The following PCP2 variants were observed in gnomAD, a reference collection of about 807,000 sequenced individuals.
PCP2 encodes the protein Purkinje cell protein 2 homolog.
PCP2 carries 21 observed loss-of-function variants against 18.3 expected under a neutral mutation model. That is an observed-to-expected ratio of 1.14 (90% CI 0.81 to 1.65). PCP2 has a LOEUF of 1.65. Ranked by LOEUF, PCP2 falls within the 40% of genes most tolerant of loss-of-function variation. The pLI, the probability that PCP2 is intolerant of heterozygous loss-of-function variation, is 0.00. For missense variants in PCP2, 202 were observed against 201.8 expected, an observed-to-expected ratio of 1.00 and a Z score of 0.00; for synonymous variants, 85 against 77.6, an observed-to-expected ratio of 1.10 and a Z score of -0.50.
chr19:7,636,019 T>G (rs911752896), upstream of PCP2, among the ~76,000 whole-genome samples: 4 of 152,184 alleles, frequency 2.6e-5, no homozygotes, highest in African/African-American at 9.7e-5. Context: ...AAAGGCTGCT[T>G]CTTCAGAGAG....
chr19:7,632,907 A>G lies in PCP2; in HGVS notation c.52-77T>C. ...CCCAAACTTCCTAGCCAGCTTGCTC[A>G]CACCCTGACCCCGGGGCCTGCCGTC... On this transcript the variant is annotated intron_variant, in intron 1 of 3. Transcript: ENST00000311069. This position sits in a 1 kb window ranked among gnomAD's most constrained non-coding sequence, Gnocchi z 5.2. The G allele has an allele frequency of 6.6e-7, 1 of 1,517,792 alleles. No homozygotes were observed. The highest frequency in any genetic ancestry group is 1.7e-4 in the Middle Eastern group (1 of 5,866). 94.0% of individuals were successfully genotyped at this position (1,517,792 alleles called of 1,614,324 possible).
upstream of PCP2, among the ~76,000 whole-genome samples, chr19:7,635,416 A>T (rs1382895184): frequency 2.0e-5 from 3 of 152,208 alleles, no homozygotes; most frequent in Non-Finnish European, 1.5e-5. Flanking sequence ...AGGAAGGGGC[A>T]GGGTGCGGTG....
chr19:7,635,893 C>CAGAA (rs1251516787), upstream of PCP2, among the ~76,000 whole-genome samples: 2 of 152,178 alleles, frequency 1.3e-5, no homozygotes, highest in Non-Finnish European at 2.9e-5. Flanking sequence ...CCTTGTCCTA[C>CAGAA]AGAAGTCTGG....
At position 7,632,773 on chromosome 19, in the gene PCP2, G is replaced by T; in HGVS notation, c.109C>A (p.Arg37=). 6.4e-7 allele frequency: 1 copy of T among 1,567,816 alleles called. No homozygotes were observed. The highest frequency in any genetic ancestry group is 2.4e-5 in the East Asian group (1 of 42,372). Residue 37 remains arginine (R), a synonymous_variant, in exon 2 of 4, where the codon CGG becomes AGG. Coordinates refer to ENST00000311069, the MANE Select transcript of PCP2 (RefSeq NM_174895.3). The surrounding 1 kb of genome is among the most constrained non-coding windows in gnomAD (Gnocchi z 5.2). ...FNLLSHVQGD[R]MEGQRCSLQA... ...AGTGAACAGCGCTGTCCCTCCATCC[G>T]GTCGCCCTGCACGTGGCTCAGCAGA...
chr19:7,632,059 C>A lies in PCP2; in HGVS notation c.292-251G>T. 1 of 522,824 alleles carries A rather than the reference C, an allele frequency of 1.9e-6. No homozygotes were observed. Among genetic ancestry groups the A allele is most frequent in the Non-Finnish European group, 3.3e-6 (1 of 299,514 alleles). 32.4% of individuals were successfully genotyped at this position (522,824 alleles called of 1,614,324 possible). On this transcript the variant is annotated intron_variant, in intron 3 of 3. Coordinates refer to ENST00000311069, the MANE Select transcript of PCP2 (RefSeq NM_174895.3). The surrounding 1 kb of genome is among the most constrained non-coding windows in gnomAD (Gnocchi z 5.2). ...TGTGAAGTCAACAGATGTGAGTATA[C>A]AGATGTATATATCCTATGTGTGAGC...
At position 7,631,716 on chromosome 19, in the gene PCP2, G is replaced by A; in HGVS notation, c.384C>T (p.Ser128=). The change falls in exon 4 of 4, where the codon AGC becomes AGT. Residue 128 remains serine (S), a synonymous_variant. Transcript: ENST00000311069. ...AGGGGGCTTGTGTCGGGGGCTGGGG[G>A]CTGCTGTTCCGACGGAAGCCGAGAG... The part of the protein sequence containing the change: ...PTALGFRRNS[S]PQPPTQAP 5.5e-6 allele frequency: 8 copies of A among 1,450,632 alleles called. No homozygotes were observed. The highest frequency in any genetic ancestry group is 7.3e-6 in the Non-Finnish European group (8 of 1,100,502). The allele number at this position is 1,450,632 out of a possible 1,614,324, so 89.9% of individuals were successfully genotyped here.
At chr19:7,633,087 G>C (rs901081646) in intron 1 of PCP2, 7 of 1,220,948 alleles carry the variant, frequency 5.7e-6, no homozygotes, top group Non-Finnish European at 7.7e-6. Context: ...GACAGGCTCC[G>C]ATGCGTGTCC....
At chr19:7,636,497 C>T (rs1242708012), upstream of PCP2, 1 of 151,750 alleles carries the variant, frequency 6.6e-6, no homozygotes, top group Admixed American at 6.6e-5. Context: ...GACAAATGCC[C>T]CCTGGGGACA....
chr19:7,635,681 G>A (rs1462621604), upstream of PCP2, among the ~76,000 whole-genome samples: 3 of 152,150 alleles, frequency 2.0e-5, no homozygotes, highest in African/African-American at 4.8e-5. Context: ...GAGCAACAGA[G>A]CGAGACCCGT....
Position 7,632,300 on chromosome 19 carries a change from G to T in PCP2, c.291+93C>A. 1 of 1,551,728 alleles carries T rather than the reference G, an allele frequency of 6.4e-7. No homozygotes were observed. Among genetic ancestry groups the T allele is most frequent in the Non-Finnish European group, 8.7e-7 (1 of 1,144,100 alleles). ...AGGGCAGCGGATGGACAGAGATGGG[G>T]CAGGCCCTGTTCCCTCCTGGCTGGG... On this transcript the variant is annotated intron_variant, in intron 3 of 3. Coordinates refer to ENST00000311069, the MANE Select transcript of PCP2 (RefSeq NM_174895.3). The surrounding 1 kb of genome is among the most constrained non-coding windows in gnomAD (Gnocchi z 5.2).
rs2031425634 is a variant in PCP2 at position 7,633,553 on chromosome 19, C to A, written c.-96G>T. 4.1e-6 allele frequency: 5 copies of A among 1,222,970 alleles called. No individual in the cohort carries two copies. The highest frequency in any genetic ancestry group is 2.0e-4 in the Middle Eastern group (1 of 4,954). 75.8% of individuals were successfully genotyped at this position (1,222,970 alleles called of 1,614,324 possible). On this transcript the variant is annotated 5_prime_UTR_variant, in exon 1 of 4. Transcript: ENST00000311069. Reference sequence around the variant, plus strand: ...TCCAGGACGTGGGGGTGTGGATTCCCCCCATCCCCAAATCCCCAGCTCATG... The same window carrying A: ...TCCAGGACGTGGGGGTGTGGATTCCACCCATCCCCAAATCCCCAGCTCATG...
At position 7,633,446 on chromosome 19, in the gene PCP2, C is replaced by A; in HGVS notation, c.12G>T (p.Gln4His). MMD[Q>H]EEKTEEGSGP... ...CTGAGCCTTCCTCCGTCTTCTCCTC[C>A]TGATCCATCATGTCCCTGGACTCCA... Residue 4 changes from glutamine (Q) to histidine (H), a missense_variant, in exon 1 of 4, where the codon CAG becomes CAT. Transcript: ENST00000311069. 6.3e-7 allele frequency: 1 copy of A among 1,577,420 alleles called. No individual in the cohort carries two copies. Among genetic ancestry groups the A allele is most frequent in the East Asian group, 2.3e-5 (1 of 43,540 alleles).
intron 1 of PCP2, 146 bp downstream of exon 1, chr19:7,633,261 G>A: frequency 1.1e-6 from 1 of 875,998 alleles, no homozygotes; most frequent in Non-Finnish European, 1.7e-6. Flanking sequence ...AGACCCCCAA[G>A]CCCACCAGCC....
In PCP2 at chr19:7,633,091, C is replaced by T. The variant is rs370736897; in HGVS notation, c.52-261G>A. 2,779 of 1,172,516 alleles carry T rather than the reference C, an allele frequency of 2.4e-3. 66 individuals carry two copies. In the South Asian group the frequency reaches 0.038, roughly 16 times the overall value. 72.6% of individuals were successfully genotyped at this position (1,172,516 alleles called of 1,614,324 possible). A position where few individuals can be genotyped will look rare whatever the true frequency, so the allele number is the denominator to read the frequency against. On this transcript the variant is annotated intron_variant, in intron 1 of 3. Transcript: ENST00000311069. ...CCGCTTCAAGGGACAGGCTCCGATG[C>T]GTGTCCCGCCGTCCTAGATTGGGGC...
intron 1 of PCP2, 194 bp from the exon 2 acceptor site, chr19:7,633,024 C>T (rs1436134077): frequency 4.9e-6 from 7 of 1,430,462 alleles, no homozygotes; most frequent in Middle Eastern, 2.3e-4. Context: ...ATCCCGGCCC[C>T]CGCCCCAGGG....
Position 7,632,183 on chromosome 19 carries a change from G to T in PCP2, c.291+210C>A. The T allele has an allele frequency of 1.3e-6, 1 of 767,352 alleles. No individual in the cohort carries two copies. Among genetic ancestry groups the T allele is most frequent in the Non-Finnish European group, 2.0e-6 (1 of 495,414 alleles). The allele number at this position is 767,352 out of a possible 1,614,324, so 47.5% of individuals were successfully genotyped here. On this transcript the variant is annotated intron_variant, in intron 3 of 3. Transcript: ENST00000311069. This position sits in a 1 kb window ranked among gnomAD's most constrained non-coding sequence, Gnocchi z 5.2. ...TCAGACTTGGGGGCAGGAGCCACAA[G>T]TTCCAGCCATGGGTCTTACACTAGC...
rs551692408 is a variant in PCP2, at chr19:7,632,637, A to G, written c.166+79T>C. 99 of 1,570,170 alleles carry G rather than the reference A, an allele frequency of 6.3e-5. No individual in the cohort carries two copies. In the African/African-American group the frequency reaches 1.2e-3, roughly 19 times the overall value. ...ACCACCTCCCACATCCCGTGCCCCC[A>G]GGCCCTCCAGATGACCACTTGCCCT... On this transcript the variant is annotated intron_variant, in intron 2 of 3. Transcript: ENST00000311069. This position sits in a 1 kb window ranked among gnomAD's most constrained non-coding sequence, Gnocchi z 5.2.
rs1040895787 is a variant in PCP2, at chr19:7,633,318, C to G, written c.51+89G>C. ...GTCAGGGGGTCCTAGGAGACTCACT[C>G]GTTAATTAGGTGCCCTACAAACTAG... On this transcript the variant is annotated intron_variant, in intron 1 of 3. Coordinates refer to ENST00000311069, the MANE Select transcript of PCP2 (RefSeq NM_174895.3). The G allele has an allele frequency of 2.8e-5, 37 of 1,307,274 alleles. No individual in the cohort carries two copies. The African/African-American group carries it at 5.1e-4, about 18-fold the overall frequency. 81.0% of individuals were successfully genotyped at this position (1,307,274 alleles called of 1,614,324 possible). A position where few individuals can be genotyped will look rare whatever the true frequency, so the allele number is the denominator to read the frequency against.
rs111973989 is a variant in PCP2, at chr19:7,633,269, G to T, written c.51+138C>A. 22 of 926,276 alleles carry T rather than the reference G, an allele frequency of 2.4e-5. No individual in the cohort carries two copies. The African/African-American group carries it at 2.5e-4, about 10-fold the overall frequency. 57.4% of individuals were successfully genotyped at this position (926,276 alleles called of 1,614,324 possible). On this transcript the variant is annotated intron_variant, in intron 1 of 3. Coordinates refer to ENST00000311069, the MANE Select transcript of PCP2 (RefSeq NM_174895.3). ...GGCACTCAGACCCCCAAGCCCACCA[G>T]CCCCTTTCTACAGCCACAACTGGGT... is the stretch of plus-strand genomic sequence containing the variant.
Sources: gnomAD v4.1 joint callset for allele counts (sites outside exome capture counted in the v4.1 genomes callset) on GRCh38, gnomAD v4.1.1 for gene constraint, Gnocchi (gnomAD v3.1) non-coding constraint, MANE v1.5 for transcripts, NCBI Gene and HGNC (gene_info 2026-07-23, HGNC 2026-07-21) for gene names.